The following SND1 variants were observed in gnomAD, a reference collection of about 807,000 sequenced individuals.
The protein encoded by SND1 is staphylococcal nuclease domain-containing protein 1.
Under a neutral mutation model 121.7 loss-of-function variants are expected in SND1, and 38 were observed. The observed-to-expected ratio is 0.31, with a 90% CI of 0.24 to 0.41. The LOEUF (loss-of-function observed/expected upper bound fraction) is 0.41. Ranked by LOEUF, SND1 falls within the 10% of genes least tolerant of loss-of-function variation. The pLI is 1.00. For missense variants in SND1, 868 were observed against 1,184.6 expected (o/e 0.73, Z 3.92); for synonymous variants, 401 against 447.4 (o/e 0.90, Z 1.31).
intron 14 of SND1, among the ~76,000 whole-genome samples, chr7:127,918,883 A>G (rs905110098): frequency 2.0e-5 from 3 of 152,208 alleles, no homozygotes; most frequent in Admixed American, 6.5e-5. Flanking sequence ...ATTGAGTAAA[A>G]TGATTGGGTT....
At chr7:128,072,876 T>A (rs940037112) in intron 16 of SND1, among the ~76,000 whole-genome samples, 1 of 152,350 alleles carries the variant, frequency 6.6e-6, no homozygotes, top group East Asian at 1.9e-4. Context: ...GAGTAGGTCC[T>A]TCAGCAGGTT....
At chr7:127,699,517 A>C (rs989232494) in intron 4 of SND1, among the ~76,000 whole-genome samples, 2 of 152,212 alleles carry the variant, frequency 1.3e-5, no homozygotes, top group African/African-American at 2.4e-5. Context: ...AAAAATTTAT[A>C]TCTCTTCAAA....
chr7:127,816,985 C>A (rs1289322360), intron 11 of SND1, among the ~76,000 whole-genome samples: 2 of 152,136 alleles, frequency 1.3e-5, no homozygotes, highest in Non-Finnish European at 2.9e-5. Flanking sequence ...ATTCATTCAG[C>A]AGATATTTTT....
In SND1 at chr7:127,788,425, A is replaced by G. The variant is rs1797851175; in HGVS notation, c.1153-19059A>G. On this transcript the variant is annotated intron_variant, in intron 10 of 23. Coordinates refer to ENST00000354725, the MANE Select transcript of SND1 (RefSeq NM_014390.4). The stretch of plus-strand genomic sequence containing the variant: ...ATCCAGTCTTTCTGTATTGTGACAG[A>G]AATGCTCTCAGCTGTCCTTTTTTGT... 2.6e-5 allele frequency among the ~76,000 whole-genome samples: 4 copies of G among 152,314 alleles called. No individual in the cohort carries two copies. The South Asian group carries it at 8.3e-4, about 32-fold the overall frequency.
intron 14 of SND1, among the ~76,000 whole-genome samples, chr7:127,922,196 T>G (rs1459163058): frequency 7.4e-6 from 1 of 134,682 alleles, no homozygotes. Context: ...TTTTTTTTTT[T>G]TTTTTTTGTT....
chr7:127,941,516 C>A (rs1801200726), intron 15 of SND1, among the ~76,000 whole-genome samples: 2 of 152,134 alleles, frequency 1.3e-5, no homozygotes, highest in South Asian at 4.2e-4. Flanking sequence ...TTTCCCTGCC[C>A]TTGTGTGCCT....
intron 12 of SND1, among the ~76,000 whole-genome samples, chr7:127,847,732 G>A (rs897432612): frequency 2.0e-5 from 3 of 152,154 alleles, no homozygotes; most frequent in Non-Finnish European, 2.9e-5. Flanking sequence ...ATTGAGCAAC[G>A]GGCTCACTGC....
intron 13 of SND1, among the ~76,000 whole-genome samples, chr7:127,899,852 G>T (rs1318476333): frequency 6.6e-6 from 1 of 152,180 alleles, no homozygotes; most frequent in Admixed American, 6.5e-5. Context: ...GCACAATTAT[G>T]AAAGAAGAAT....
intron 1 of SND1, among the ~76,000 whole-genome samples, chr7:127,653,559 C>T (rs751329663): frequency 1.3e-5 from 2 of 152,084 alleles, no homozygotes; most frequent in Non-Finnish European, 2.9e-5. Flanking sequence ...GTGGTAATCC[C>T]AGCACTTAGG....
chr7:128,018,443 G>A (rs1449278469), intron 16 of SND1, among the ~76,000 whole-genome samples: 2 of 152,232 alleles, frequency 1.3e-5, no homozygotes, highest in Non-Finnish European at 2.9e-5. Flanking sequence ...CTTTGGCCAG[G>A]AAGGGCAGTT....
chr7:128,017,098 G>A (rs552173601), intron 16 of SND1, among the ~76,000 whole-genome samples: 2 of 152,314 alleles, frequency 1.3e-5, no homozygotes, highest in South Asian at 4.1e-4. Context: ...TTATGTCAGA[G>A]AACATCCCTG....
chr7:127,853,409 A>C (rs1362039830), intron 12 of SND1, among the ~76,000 whole-genome samples: 1 of 152,200 alleles, frequency 6.6e-6, no homozygotes, highest in Non-Finnish European at 1.5e-5. Flanking sequence ...AAGTGTGACT[A>C]TTTTGTGGCT....
rs71312836 is a variant in SND1, at chr7:128,016,145, C to CT, written c.1779+25108dup. Reference sequence around the variant, plus strand: ...TGCTTAAATAGGGAGGAACAACTTCCTTTTTTTTTTTTTTTTTTTAAGAGA... The same window carrying CT: ...TGCTTAAATAGGGAGGAACAACTTCCTTTTTTTTTTTTTTTTTTTTAAGAGA... On this transcript the variant is annotated intron_variant, in intron 16 of 23. Transcript: ENST00000354725. Among the ~76,000 whole-genome samples the CT allele has an allele frequency of 9.9e-3, 1,431 of 144,262 alleles. 13 individuals carry two copies. The highest frequency in any genetic ancestry group is 0.015 in the Non-Finnish European group (971 of 65,972). 94.6% of individuals were successfully genotyped at this position (144,262 alleles called of 152,430 possible).
intron 10 of SND1, among the ~76,000 whole-genome samples, chr7:127,763,815 C>T (rs910023763): frequency 6.6e-6 from 1 of 152,010 alleles, no homozygotes; most frequent in East Asian, 1.9e-4. Context: ...TAGGGCCAGG[C>T]AGACATGGTG....
At chr7:128,071,267 A>G (rs1445750152) in intron 16 of SND1, among the ~76,000 whole-genome samples, 5 of 152,238 alleles carry the variant, frequency 3.3e-5, no homozygotes, top group African/African-American at 1.2e-4. Flanking sequence ...CTTTAAACAG[A>G]AACACAGAAC....
At chr7:127,880,098 C>A (rs1235440220) in intron 12 of SND1, among the ~76,000 whole-genome samples, 1 of 152,170 alleles carries the variant, frequency 6.6e-6, no homozygotes, top group East Asian at 1.9e-4. Context: ...GAGCCCCATT[C>A]GGTGAAGAGA....
intron 16 of SND1, among the ~76,000 whole-genome samples, chr7:128,041,911 C>G (rs1267434386): frequency 1.3e-5 from 2 of 152,206 alleles, no homozygotes; most frequent in African/African-American, 2.4e-5. Context: ...AACCTTTCAT[C>G]TTGGTCTACT....
intron 10 of SND1, among the ~76,000 whole-genome samples, chr7:127,789,845 G>T (rs1797878499): frequency 6.6e-6 from 1 of 152,030 alleles, no homozygotes; most frequent in Admixed American, 6.5e-5. Flanking sequence ...CTAAATCAAG[G>T]GAAAAAGAGG....
At chr7:127,653,897 C>T (rs538925706) in intron 1 of SND1, among the ~76,000 whole-genome samples, 5 of 152,276 alleles carry the variant, frequency 3.3e-5, no homozygotes, top group African/African-American at 1.2e-4. Flanking sequence ...ATATATTTTT[C>T]CTCTGAAATA....
Sources: allele counts gnomAD v4.1 joint callset (sites outside exome capture counted in the v4.1 genomes callset), GRCh38; gene constraint gnomAD v4.1.1; transcripts MANE v1.5; gene names NCBI Gene and HGNC (gene_info 2026-07-23, HGNC 2026-07-21).